The following C9orf43 variants were observed in gnomAD, a reference collection of about 807,000 sequenced individuals.
The protein encoded by C9orf43 is chromosome 9 open reading frame 43, also known as uncharacterized protein C9orf43.
Under a neutral mutation model 59.1 loss-of-function variants are expected in C9orf43, and 45 were observed. That is an observed-to-expected ratio of 0.76 (90% CI 0.60 to 0.98). The LOEUF (loss-of-function observed/expected upper bound fraction) is 0.98. C9orf43 is among the 50% of genes least tolerant of loss of function. C9orf43 has a pLI of 0.00. For missense variants in C9orf43, 533 were observed against 554.9 expected, an observed-to-expected ratio of 0.96 and a Z score of 0.40; for synonymous variants, 203 against 196.8, an observed-to-expected ratio of 1.03 and a Z score of -0.26.
chr9:113,426,945 C>G (rs1415313876), intron 11 of C9orf43, among the ~76,000 whole-genome samples: 1 of 152,106 alleles, frequency 6.6e-6, no homozygotes, highest in Non-Finnish European at 1.5e-5. Context: ...GGAAAGAACT[C>G]TTGAGAGGGA....
At position 113,413,802 on chromosome 9, in the gene C9orf43, C is replaced by T. The variant is rs1490793654; in HGVS notation, c.195C>T (p.Gly65=). The T allele has an allele frequency of 6.2e-7, 1 of 1,614,190 alleles. No homozygotes were observed. The highest frequency in any genetic ancestry group is 1.1e-5 in the South Asian group (1 of 91,080). The change falls in exon 3 of 14, where the codon GGC becomes GGT. Residue 65 remains glycine, a synonymous_variant. Coordinates refer to ENST00000374165, the MANE Select transcript of C9orf43 (RefSeq NM_001278629.2). The part of the protein sequence containing the change: ...VLTVVDILDS[G]FAAHHLPECT... ...CCGTGGTAGACATCTTAGATTCCGG[C>T]TTTGCAGCTCATCATTTACCAGAAT...
At chr9:113,412,123 T>G (rs1828187944) in intron 1 of C9orf43, among the ~76,000 whole-genome samples, 1 of 152,152 alleles carries the variant, frequency 6.6e-6, no homozygotes, top group Non-Finnish European at 1.5e-5. Flanking sequence ...CAACTGAAAG[T>G]GTTTCAATTA....
chr9:113,428,170 A>T lies in C9orf43; in HGVS notation c.1054A>T (p.Asn352Tyr). The change falls in exon 12 of 14, where the codon AAC becomes TAC. Residue 352 changes from asparagine to tyrosine, a missense_variant. Transcript: ENST00000374165. ...AGGTTACAGAACTCTGCCAGGTCAG[A>T]ACAGTGACATGAAGCAGCAGCAGCA... Reference protein sequence around the residue: ...LYGYRTLPGQNSDMKQQQQME... With the variant: ...LYGYRTLPGQYSDMKQQQQME... The T allele has an allele frequency of 1.9e-6, 3 of 1,614,248 alleles. No homozygotes were observed. The African/African-American group carries it at 4.0e-5, about 22-fold the overall frequency.
intron 1 of C9orf43, 88 bp downstream of exon 1, chr9:113,411,089 A>G (rs990694806): frequency 3.0e-6 from 3 of 985,340 alleles, no homozygotes; most frequent in Middle Eastern, 5.2e-4. Flanking sequence ...AATGCTGGCC[A>G]TATAGAGATG....
chr9:113,412,606 T>A (rs779538562), intron 1 of C9orf43, among the ~76,000 whole-genome samples: 1 of 152,256 alleles, frequency 6.6e-6, no homozygotes, highest in African/African-American at 2.4e-5. Flanking sequence ...ACACCTCCCA[T>A]GAATAAAAGT....
In C9orf43 at chr9:113,429,358, A is replaced by G. The variant is rs191242384; in HGVS notation, c.1358A>G (p.Glu453Gly). Residue 453 changes from glutamate (E) to glycine (G), a missense_variant, in exon 14 of 14, where the codon GAG (glutamate) becomes GGG (glycine). By Grantham distance (98) the Glu-to-Gly change is moderately conservative (BLOSUM62 -2). Coordinates refer to ENST00000374165, the MANE Select transcript of C9orf43 (RefSeq NM_001278629.2). ...RILQDTDDEDEEDQSSGAE is the reference protein window; with the variant it reads ...RILQDTDDEDGEDQSSGAE ...CTTCAGGACACTGATGATGAGGATG[A>G]GGAGGACCAGTCCTCTGGGGCAGAG... The G allele has an allele frequency of 1.9e-5, 30 of 1,614,158 alleles. No homozygotes were observed. The African/African-American group carries it at 3.1e-4, about 16-fold the overall frequency.
intron 11 of C9orf43, among the ~76,000 whole-genome samples, chr9:113,426,954 G>A (rs1279408125): frequency 6.6e-6 from 1 of 152,166 alleles, no homozygotes; most frequent in African/African-American, 2.4e-5. Flanking sequence ...TCTTGAGAGG[G>A]AATAGCCTGT....
chr9:113,411,031 A>T, intron 1 of C9orf43, 30 bp downstream of exon 1: 2 of 984,992 alleles, frequency 2.0e-6, no homozygotes, highest in Non-Finnish European at 2.4e-6. Context: ...TTTAGATTTT[A>T]TTGTTGTTGT....
rs1225429380 is a variant in C9orf43 at position 113,424,158 on chromosome 9, C to G, written c.657-8C>G. The G allele has an allele frequency of 2.5e-6, 4 of 1,599,852 alleles. No individual in the cohort carries two copies. The Admixed American group carries it at 5.2e-5, about 21-fold the overall frequency. On this transcript the variant is annotated splice_polypyrimidine_tract_variant and splice_region_variant and intron_variant, in intron 7 of 13. Transcript: ENST00000374165. ...GCTGACTGTCTGGCTGTCCTCTGTC[C>G]CCTTCAGACTTTTGCCAGGTGGAAA... is the stretch of plus-strand genomic sequence containing the variant.
At chr9:113,414,103 C>G (rs761665144) in intron 3 of C9orf43, among the ~76,000 whole-genome samples, 6 of 152,106 alleles carry the variant, frequency 3.9e-5, no homozygotes, top group Non-Finnish European at 8.8e-5. Context: ...TATATTGGTT[C>G]GGTAGGGCTG....
intron 12 of C9orf43, 70 bp downstream of exon 12, chr9:113,428,293 C>A: frequency 7.3e-7 from 1 of 1,374,250 alleles, no homozygotes; most frequent in Non-Finnish European, 1.0e-6. Flanking sequence ...AACCCCAAAG[C>A]TTAACCATAA....
chr9:113,420,756 G>C (rs1194629388), intron 4 of C9orf43: 1 of 985,360 alleles, frequency 1.0e-6, no homozygotes, highest in Non-Finnish European at 1.2e-6. Flanking sequence ...TGTAATGTCT[G>C]TGGGATCTAA....
At chr9:113,425,111 C>T in intron 9 of C9orf43, 35 bp downstream of exon 9, 1 of 1,596,940 alleles carries the variant, frequency 6.3e-7, no homozygotes, top group East Asian at 2.2e-5. Context: ...CTCTAAGCAC[C>T]ATTTTCTGTT....
Position 113,429,161 on chromosome 9 carries a change from T to A in C9orf43, c.1172-11T>A. On this transcript the variant is annotated splice_polypyrimidine_tract_variant and intron_variant, in intron 13 of 13. Transcript: ENST00000374165. ...TTTACAGGTGCAATTAATGACTGCA[T>A]CTTCTTTTAGGTCCTGAATTGTATG... 6.2e-7 allele frequency: 1 copy of A among 1,612,606 alleles called. No individual in the cohort carries two copies. The highest frequency in any genetic ancestry group is 1.1e-5 in the South Asian group (1 of 91,046).
At chr9:113,423,933 G>C (rs1020614809) in intron 7 of C9orf43, among the ~76,000 whole-genome samples, 2 of 152,160 alleles carry the variant, frequency 1.3e-5, no homozygotes, top group Admixed American at 6.5e-5. Flanking sequence ...AGTAATATCT[G>C]TTCTCAGGTG....
intron 4 of C9orf43, among the ~76,000 whole-genome samples, chr9:113,419,838 G>T (rs1828500228): frequency 6.6e-6 from 1 of 152,112 alleles, no homozygotes. Flanking sequence ...GCTAGTTAGG[G>T]GTAGAGCTAA....
intron 5 of C9orf43, 100 bp downstream of exon 5, chr9:113,421,303 C>A: frequency 1.2e-6 from 1 of 826,346 alleles, no homozygotes; most frequent in Non-Finnish European, 2.0e-6. Flanking sequence ...CAGCTCATTG[C>A]AAGTAGCAGG....
intron 3 of C9orf43, among the ~76,000 whole-genome samples, chr9:113,415,304 C>A (rs555266195): frequency 2.0e-5 from 3 of 151,932 alleles, no homozygotes; most frequent in Non-Finnish European, 4.4e-5. Flanking sequence ...CCACCACTCC[C>A]GGCTAATTTT....
In C9orf43 at chr9:113,428,896, TC is replaced by T. The variant is rs1256575840; in HGVS notation, c.1108-3del. The T allele has an allele frequency of 1.1e-5, 18 of 1,612,862 alleles. No homozygotes were observed. Among genetic ancestry groups the T allele is most frequent in the Non-Finnish European group, 1.5e-5 (18 of 1,178,838 alleles). ...AAATTTCCTTATACCCCAATGAATT[TC>T]AGGATTCCACGGAGAGACCAAAGAT... On this transcript the variant is annotated splice_polypyrimidine_tract_variant and splice_region_variant and intron_variant, in intron 12 of 13. Transcript: ENST00000374165.
Sources: gnomAD v4.1 joint callset for allele counts (sites outside exome capture counted in the v4.1 genomes callset) on GRCh38, gnomAD v4.1.1 for gene constraint, MANE v1.5 for transcripts, NCBI Gene and HGNC (gene_info 2026-07-23, HGNC 2026-07-21) for gene names.